The following KCNQ1 variants were observed in gnomAD, a reference collection of about 807,000 sequenced individuals.
The protein encoded by KCNQ1 is potassium voltage-gated channel subfamily KQT member 1.
A neutral mutation model predicts 72.4 loss-of-function variants in KCNQ1; 49 were observed. That is an observed-to-expected ratio of 0.68 (90% CI 0.54 to 0.86). The LOEUF is 0.86. KCNQ1 is among the 40% of genes least tolerant of loss of function. The pLI is 0.00. For synonymous variants in KCNQ1, 450 were observed against 412.6 expected (o/e 1.09, Z -1.10); for missense variants, 790 against 945.1 (o/e 0.84, Z 2.15).
chr11:2,807,387 A>G (rs1847398218), intron 15 of KCNQ1, among the ~76,000 whole-genome samples: 1 of 152,132 alleles, frequency 6.6e-6, no homozygotes, highest in Non-Finnish European at 1.5e-5. Flanking sequence ...TAAGGCCGGG[A>G]GGGGACCCTC....
chr11:2,747,649 G>A, intron 11 of KCNQ1, among the ~76,000 whole-genome samples: 1 of 152,224 alleles, frequency 6.6e-6, no homozygotes, highest in Non-Finnish European at 1.5e-5. Flanking sequence ...CCAGAGGAAA[G>A]GAAGATGGCT....
At chr11:2,798,620 C>T (rs1325291674) in intron 15 of KCNQ1, among the ~76,000 whole-genome samples, 2 of 151,460 alleles carry the variant, frequency 1.3e-5, no homozygotes, top group African/African-American at 2.4e-5. Flanking sequence ...TTCTTGATTT[C>T]GTGTAAACAA....
intron 15 of KCNQ1, among the ~76,000 whole-genome samples, chr11:2,834,944 C>A (rs1442210199): frequency 6.6e-6 from 1 of 152,228 alleles, no homozygotes; most frequent in Non-Finnish European, 1.5e-5. Flanking sequence ...CGCCCAGCCC[C>A]TATCTGGGAC....
chr11:2,589,295 G>A (rs528808809), intron 10 of KCNQ1, among the ~76,000 whole-genome samples: 1 of 152,164 alleles, frequency 6.6e-6, no homozygotes, highest in Non-Finnish European at 1.5e-5. Context: ...GGTAAAACGT[G>A]GGGGGCCTGA....
At chr11:2,751,136 C>G (rs542185576) in intron 11 of KCNQ1, among the ~76,000 whole-genome samples, 1 of 152,232 alleles carries the variant, frequency 6.6e-6, no homozygotes, top group Admixed American at 6.5e-5. Flanking sequence ...ATCCCCAAAG[C>G]TTGGAACTAC....
intron 11 of KCNQ1, among the ~76,000 whole-genome samples, chr11:2,736,064 A>G (rs1845950677): frequency 6.6e-6 from 1 of 152,084 alleles, no homozygotes; most frequent in African/African-American, 2.4e-5. Context: ...CAGAAGGCCC[A>G]TGAGCTGCCT....
intron 10 of KCNQ1, chr11:2,644,380 G>GT (rs1200527885): frequency 4.0e-5 from 16 of 398,036 alleles, no homozygotes; most frequent in Non-Finnish European, 7.1e-5. Context: ...TTTCAAATAT[G>GT]TTTTTTATTT....
chr11:2,700,122 G>C, intron 11 of KCNQ1: 1 of 397,384 alleles, frequency 2.5e-6, no homozygotes, highest in Non-Finnish European at 4.4e-6. Flanking sequence ...GGCTGGGTGC[G>C]GAAAGTGATG....
chr11:2,697,595 A>C (rs1850699786), intron 11 of KCNQ1: 1 of 398,492 alleles, frequency 2.5e-6, no homozygotes, highest in African/African-American at 2.1e-5. Flanking sequence ...GTTAAACTTT[A>C]TCACATCATT....
At position 2,848,063 on chromosome 11, in the gene KCNQ1, C is replaced by T. The variant is rs1333248196; in HGVS notation, c.*60C>T. 1.4e-6 allele frequency: 2 copies of T among 1,404,028 alleles called. No homozygotes were observed. The highest frequency in any genetic ancestry group is 2.0e-6 in the Non-Finnish European group (2 of 1,024,438). The allele number at this position is 1,404,028 out of a possible 1,614,324, so 87.0% of individuals were successfully genotyped here. ...GAGGGGAGGCCAAGAGTGGCCCCAC[C>T]TGGCCCTCTCTGAAGGAGGCCACCT... is the stretch of plus-strand genomic sequence containing the variant. On this transcript the variant is annotated 3_prime_UTR_variant, in exon 16 of 16. Transcript: ENST00000155840.
chr11:2,628,844 T>C (rs999541546), intron 10 of KCNQ1: 3 of 398,242 alleles, frequency 7.5e-6, no homozygotes, highest in Non-Finnish European at 1.3e-5. Context: ...GATATCCTGG[T>C]TTCACAGTGC....
At position 2,723,861 on chromosome 11, in the gene KCNQ1, C is replaced by A. The variant is rs543662770; in HGVS notation, c.1515-44983C>A. On this transcript the variant is annotated intron_variant, in intron 11 of 15. Transcript: ENST00000155840. This position sits in a 1 kb window ranked among gnomAD's most constrained non-coding sequence, Gnocchi z 4.2. The stretch of plus-strand genomic sequence containing the variant: ...ATGACATGGTGGTCAAAGCAAGTCA[C>A]GGATTCCAGGGGGACCTCGGGACGA... Among the ~76,000 whole-genome samples, 1 of 152,212 alleles carries A rather than the reference C, an allele frequency of 6.6e-6. No homozygotes were observed. The highest frequency in any genetic ancestry group is 1.5e-5 in the Non-Finnish European group (1 of 68,034).
intron 11 of KCNQ1, among the ~76,000 whole-genome samples, chr11:2,716,809 C>A (rs1182004545): frequency 3.3e-5 from 5 of 152,234 alleles, no homozygotes; most frequent in Non-Finnish European, 7.3e-5. Context: ...TCCAAAGCAA[C>A]CATCTCTTCC....
Position 2,536,021 on chromosome 11 carries a change from G to A in KCNQ1, c.477+8003G>A, listed in dbSNP as rs1053355175. Among the ~76,000 whole-genome samples, 4 of 152,140 alleles carry A rather than the reference G, an allele frequency of 2.6e-5. No homozygotes were observed. Among genetic ancestry groups the A allele is most frequent in the African/African-American group, 9.7e-5 (4 of 41,450 alleles). ...GAAGACCCGGTGGTTCTGTTCCCCC[G>A]GGACAGCCTTGGTCCAGCCTCACTG... On this transcript the variant is annotated intron_variant, in intron 2 of 15. Coordinates refer to ENST00000155840, the MANE Select transcript of KCNQ1 (RefSeq NM_000218.3). The surrounding 1 kb of genome is among the most constrained non-coding windows in gnomAD (Gnocchi z 7.4).
In KCNQ1 at chr11:2,664,466, G is replaced by A. The variant is rs1850026697; in HGVS notation, c.1514+2385G>A. ...TCCTCTGGGATACAGGCTGGGTAGA[G>A]GCCCCACTCCATCTGGGGGAGAAGG... On this transcript the variant is annotated intron_variant, in intron 11 of 15. Coordinates refer to ENST00000155840, the MANE Select transcript of KCNQ1 (RefSeq NM_000218.3). The surrounding 1 kb of genome is among the most constrained non-coding windows in gnomAD (Gnocchi z 5.1). 1 of 398,756 alleles carries A rather than the reference G, an allele frequency of 2.5e-6. No individual in the cohort carries two copies. The allele number at this position is 398,756 out of a possible 1,614,324, so 24.7% of individuals were successfully genotyped here. A position where few individuals can be genotyped will look rare whatever the true frequency, so the allele number is the denominator to read the frequency against.
Position 2,500,960 on chromosome 11 carries a change from C to T in KCNQ1, c.387-26968C>T, listed in dbSNP as rs931083797. Among the ~76,000 whole-genome samples, 10 of 152,100 alleles carry T rather than the reference C, an allele frequency of 6.6e-5. No individual in the cohort carries two copies. The South Asian group carries it at 8.3e-4, about 13-fold the overall frequency. ...ATGGGTGCAGCAAACCACCATGGCA[C>T]GTGTATGCCTATGTAACAAAACTGC... is the stretch of plus-strand genomic sequence containing the variant. On this transcript the variant is annotated intron_variant, in intron 1 of 15. Transcript: ENST00000155840.
chr11:2,532,119 C>G (rs905470951), intron 2 of KCNQ1, among the ~76,000 whole-genome samples: 7 of 152,302 alleles, frequency 4.6e-5, no homozygotes, highest in African/African-American at 1.7e-4. Context: ...CTGCTTGGCA[C>G]TATCCTGCAC....
In KCNQ1 at chr11:2,654,439, G is replaced by A. The variant is rs1008392779; in HGVS notation, c.1394-7522G>A. 5.0e-6 allele frequency: 2 copies of A among 398,596 alleles called. No individual in the cohort carries two copies. The highest frequency in any genetic ancestry group is 4.4e-5 in the Admixed American group (1 of 22,716). 24.7% of individuals were successfully genotyped at this position (398,596 alleles called of 1,614,324 possible). ...GAGACATGGGTGAGGCAGAAGGCAA[G>A]GTTCCCGTGCTGAGCGCCAGGCACA... On this transcript the variant is annotated intron_variant, in intron 10 of 15. Coordinates refer to ENST00000155840, the MANE Select transcript of KCNQ1 (RefSeq NM_000218.3). The surrounding 1 kb of genome is among the most constrained non-coding windows in gnomAD (Gnocchi z 6.4).
rs922891539 is a variant in KCNQ1 at position 2,544,238 on chromosome 11, G to A, written c.477+16220G>A. Among the ~76,000 whole-genome samples, 50 of 145,858 alleles carry A rather than the reference G, an allele frequency of 3.4e-4. No individual in the cohort carries two copies. Among genetic ancestry groups the A allele is most frequent in the African/African-American group, 9.2e-4 (35 of 37,930 alleles). On this transcript the variant is annotated intron_variant, in intron 2 of 15. Transcript: ENST00000155840. This position sits in a 1 kb window ranked among gnomAD's most constrained non-coding sequence, Gnocchi z 4.4. Reference sequence around the variant, plus strand: ...GATTATCTATCTCATATATATATATGTGTGTGTGTGTATATATATATGTGT... The same window carrying A: ...GATTATCTATCTCATATATATATATATGTGTGTGTGTATATATATATGTGT...
Sources: gnomAD v4.1 joint callset for allele counts (sites outside exome capture counted in the v4.1 genomes callset) on GRCh38, gnomAD v4.1.1 for gene constraint, Gnocchi (gnomAD v3.1) non-coding constraint, MANE v1.5 for transcripts, NCBI Gene and HGNC (gene_info 2026-07-23, HGNC 2026-07-21) for gene names.